The following DNAH17 variants were observed in gnomAD, a reference collection of about 807,000 sequenced individuals.
DNAH17 encodes axonemal beta dynein heavy chain 17.
A neutral mutation model predicts 485.6 loss-of-function variants in DNAH17; 376 were observed. The ratio of observed to expected loss-of-function variants is 0.77; its 90% CI spans 0.71 to 0.84. The LOEUF is 0.84. Ranked by LOEUF, DNAH17 falls within the 40% of genes least tolerant of loss-of-function variation. The pLI is 0.00. For synonymous variants in DNAH17, 3,031 were observed against 2,405.9 expected, an observed-to-expected ratio of 1.26 and a Z score of -7.60; for missense variants, 6,370 against 5,839.3, an observed-to-expected ratio of 1.09 and a Z score of -2.96.
chr17:78,428,986 G>GC (rs1322018468), intron 76 of DNAH17, 135 bp downstream of exon 76: 2 of 854,616 alleles, frequency 2.3e-6, no homozygotes, highest in Non-Finnish European at 1.8e-6. Flanking sequence ...CAAGTGAGAC[G>GC]CATTTCTCAT....
rs1395644691 is a variant in DNAH17 at position 78,461,716 on chromosome 17, A to AGGAGAAAC, written c.9175-16_9175-9dup. The AGGAGAAAC allele has an allele frequency of 6.2e-7, 1 of 1,607,786 alleles. No individual in the cohort carries two copies. ...GGCTTTCAAATCATCCACCTGGGGA[A>AGGAGAAAC]GGAGAAACCGAGAAACAGCAAGTGT... On this transcript the variant is annotated splice_polypyrimidine_tract_variant and intron_variant, in intron 57 of 80. Transcript: ENST00000389840.
At chr17:78,451,426 G>T in intron 66 of DNAH17, 43 bp downstream of exon 66, 1 of 1,559,372 alleles carries the variant, frequency 6.4e-7, no homozygotes, top group Non-Finnish European at 8.7e-7. Flanking sequence ...CCCTCTGTGT[G>T]GGACGGCACC....
chr17:78,491,248 A>G (rs1215320763), intron 43 of DNAH17, among the ~76,000 whole-genome samples, 195 bp downstream of exon 43: 2 of 152,254 alleles, frequency 1.3e-5, no homozygotes, highest in African/African-American at 4.8e-5. Context: ...GGTGAGGCGC[A>G]TGCAAAACCA....
chr17:78,425,585 C>A lies in DNAH17; in HGVS notation c.12916-14G>T. 1.3e-6 allele frequency: 2 copies of A among 1,574,722 alleles called. No individual in the cohort carries two copies. Among genetic ancestry groups the A allele is most frequent in the Non-Finnish European group, 1.7e-6 (2 of 1,162,956 alleles). On this transcript the variant is annotated splice_polypyrimidine_tract_variant and intron_variant, in intron 79 of 80. Coordinates refer to ENST00000389840, the MANE Select transcript of DNAH17 (RefSeq NM_173628.4). The stretch of plus-strand genomic sequence containing the variant: ...GGCCTCGAGTTCCTGCAAGGACACA[C>A]GAGCCGCTAGGAGGAGAGGACATAG...
At chr17:78,547,712 G>C (rs2091802156) in intron 16 of DNAH17, among the ~76,000 whole-genome samples, 1 of 151,214 alleles carries the variant, frequency 6.6e-6, no homozygotes. Context: ...CCACCTCCCA[G>C]GTTCAAGCAA....
intron 10 of DNAH17, 122 bp downstream of exon 10, chr17:78,566,877 A>G: frequency 7.4e-7 from 1 of 1,356,550 alleles, no homozygotes. Flanking sequence ...CAGTTTTCAA[A>G]GTGTTGGGAT....
chr17:78,559,117 G>C (rs1275996534), intron 13 of DNAH17, among the ~76,000 whole-genome samples: 2 of 152,186 alleles, frequency 1.3e-5, no homozygotes, highest in Non-Finnish European at 2.9e-5. Flanking sequence ...TAGCTGCCTT[G>C]ACCAGCCAGC....
intron 37 of DNAH17, among the ~76,000 whole-genome samples, chr17:78,498,193 A>AAATAAATAAAGC (rs1555675715): frequency 7.6e-5 from 11 of 144,656 alleles, no homozygotes; most frequent in South Asian, 2.2e-4. Context: ...ATAAATAAAT[A>AAATAAATAAAGC]AAGCAGGCTC....
intron 73 of DNAH17, among the ~76,000 whole-genome samples, chr17:78,438,768 G>C (rs2086955630): frequency 6.6e-6 from 1 of 151,990 alleles, no homozygotes; most frequent in Non-Finnish European, 1.5e-5. Context: ...CAAAGTGCTG[G>C]GCCTACAGGT....
intron 56 of DNAH17, among the ~76,000 whole-genome samples, chr17:78,464,387 G>A (rs2088307006): frequency 2.0e-5 from 3 of 152,202 alleles, no homozygotes; most frequent in Admixed American, 2.0e-4. Context: ...AGCCTCTGGA[G>A]TAGCTAGGAT....
At chr17:78,505,966 G>A (rs969734668) in intron 30 of DNAH17, among the ~76,000 whole-genome samples, 11 of 151,934 alleles carry the variant, frequency 7.2e-5, no homozygotes, top group Admixed American at 4.6e-4. Context: ...CAACAAGAGC[G>A]AAACTCCATC....
At chr17:78,457,324 T>A (rs1030244537) in intron 62 of DNAH17, among the ~76,000 whole-genome samples, 1 of 151,868 alleles carries the variant, frequency 6.6e-6, no homozygotes, top group African/African-American at 2.4e-5. Context: ...TGAGCCAAGA[T>A]CGTGCCACTG....
chr17:78,498,879 C>T lies in DNAH17; in HGVS notation c.5745+129G>A, dbSNP rs75305537. On this transcript the variant is annotated intron_variant, in intron 37 of 80. Coordinates refer to ENST00000389840, the MANE Select transcript of DNAH17 (RefSeq NM_173628.4). Reference sequence around the variant, plus strand: ...CCTGGAGGGCAAGAGCTCAATGGCACCACACCACCCTTCGGTGCTTGGAAC... The same window carrying T: ...CCTGGAGGGCAAGAGCTCAATGGCATCACACCACCCTTCGGTGCTTGGAAC... The T allele has an allele frequency of 3.8e-3, 2,509 of 660,398 alleles. 51 individuals carry two copies. In the African/African-American group the frequency reaches 0.043, roughly 11 times the overall value. 40.9% of individuals were successfully genotyped at this position (660,398 alleles called of 1,614,324 possible). A position where few individuals can be genotyped will look rare whatever the true frequency, so the allele number is the denominator to read the frequency against.
At chr17:78,437,529 G>A (rs2146446097) in intron 74 of DNAH17, 112 bp downstream of exon 74, 3 of 706,416 alleles carry the variant, frequency 4.2e-6, no homozygotes, top group African/African-American at 3.6e-5. Context: ...AAGCCCAGAG[G>A]GGAGGTGTCC....
intron 37 of DNAH17, among the ~76,000 whole-genome samples, 171 bp from the exon 38 acceptor site, chr17:78,496,203 G>A (rs1048407965): frequency 2.0e-5 from 3 of 152,002 alleles, no homozygotes; most frequent in African/African-American, 7.3e-5. Context: ...TTGTAGATTT[G>A]CATGCCATGT....
At chr17:78,511,513 C>G (rs181952325) in intron 26 of DNAH17, among the ~76,000 whole-genome samples, 1 of 152,216 alleles carries the variant, frequency 6.6e-6, no homozygotes, top group African/African-American at 2.4e-5. Flanking sequence ...ATAGGCAAAG[C>G]GCTCTGTGGC....
rs749685224 is a variant in DNAH17, at chr17:78,502,708, C to T, written c.5083-10G>A. ...TGCAAGTCAGGGCCACCTGAAAGTA[C>T]ATACCCCCCATTGCCCACGCAGTGA... On this transcript the variant is annotated splice_polypyrimidine_tract_variant and intron_variant, in intron 32 of 80. Transcript: ENST00000389840. 3 of 1,609,854 alleles carry T rather than the reference C, an allele frequency of 1.9e-6. No homozygotes were observed. Among genetic ancestry groups the T allele is most frequent in the South Asian group, 1.1e-5 (1 of 90,860 alleles).
rs181104747 is a variant in DNAH17, at chr17:78,531,624, C to T, written c.3114+858G>A. 4.9e-3 allele frequency among the ~76,000 whole-genome samples: 741 copies of T among 152,316 alleles called. 4 individuals are homozygous for T. Among genetic ancestry groups the T allele is most frequent in the African/African-American group, 0.016 (670 of 41,560 alleles). ...AAGTGCTGGTATCACAGGCGTGAGC[C>T]ACCACGCCCGGCCGACATAAAGTCT... On this transcript the variant is annotated intron_variant, in intron 20 of 80. Transcript: ENST00000389840.
At chr17:78,441,336 G>T in intron 71 of DNAH17, 137 bp from the exon 72 acceptor site, 1 of 956,274 alleles carries the variant, frequency 1.0e-6, no homozygotes, top group Non-Finnish European at 1.5e-6. Flanking sequence ...TGTGGCAGGA[G>T]AGCAGAGTCT....
Sources: allele counts gnomAD v4.1 joint callset (sites outside exome capture counted in the v4.1 genomes callset), GRCh38; gene constraint gnomAD v4.1.1; transcripts MANE v1.5; gene names NCBI Gene and HGNC (gene_info 2026-07-23, HGNC 2026-07-21).